The following SLC24A2 variants were observed in gnomAD, a reference collection of about 807,000 sequenced individuals.
The protein encoded by SLC24A2 is sodium/potassium/calcium exchanger 2.
Under a neutral mutation model 62.0 loss-of-function variants are expected in SLC24A2, and 36 were observed. The ratio of observed to expected loss-of-function variants is 0.58; its 90% confidence interval spans 0.44 to 0.77. The LOEUF is 0.77. SLC24A2 is among the 30% of genes least tolerant of loss of function. The pLI is 0.00. For synonymous variants in SLC24A2, 358 were observed against 294.0 expected (o/e 1.22, Z -2.23); for missense variants, 846 against 817.9 (o/e 1.03, Z -0.42).
chr9:20,188,800 G>A, the SLC24A2 span, among the ~76,000 whole-genome samples: 4 of 152,176 alleles, frequency 2.6e-5, no homozygotes, highest in Non-Finnish European at 4.4e-5. Context: ...CTAAAGGAAC[G>A]AGTCCTGCTG....
intron 7 of SLC24A2, among the ~76,000 whole-genome samples, 155 bp from the exon 8 acceptor site, chr9:19,550,423 C>G (rs1834787348): frequency 1.3e-5 from 2 of 152,240 alleles, no homozygotes. Flanking sequence ...AGATTTGTCA[C>G]AGTCTGAGTC....
At chr9:19,901,699 G>A in the SLC24A2 span, among the ~76,000 whole-genome samples, 2 of 152,172 alleles carry the variant, frequency 1.3e-5, no homozygotes, top group Non-Finnish European at 2.9e-5. Flanking sequence ...AGATGTCAAA[G>A]GCTGAAGCTG....
At chr9:20,166,599 AT>A in the SLC24A2 span, among the ~76,000 whole-genome samples, 2 of 152,024 alleles carry the variant, frequency 1.3e-5, no homozygotes, top group Admixed American at 1.3e-4. Context: ...AAATGCAGAT[AT>A]CTGCTTATTT....
At chr9:19,954,436 T>C in the SLC24A2 span, among the ~76,000 whole-genome samples, 1 of 152,048 alleles carries the variant, frequency 6.6e-6, no homozygotes, top group African/African-American at 2.4e-5. Flanking sequence ...TGAAAGGGAA[T>C]GGTACCAATA....
At chr9:19,548,982 C>T (rs904184582) in intron 8 of SLC24A2, among the ~76,000 whole-genome samples, 2 of 152,172 alleles carry the variant, frequency 1.3e-5, no homozygotes, top group African/African-American at 4.8e-5. Flanking sequence ...GCTGTTTCTC[C>T]TTCCCTCTCC....
chr9:19,520,867 C>A (rs758519968), intron 10 of SLC24A2, 27 bp downstream of exon 10: 11 of 1,611,346 alleles, frequency 6.8e-6, no homozygotes, highest in African/African-American at 1.3e-5. Flanking sequence ...AGCTGGTGCA[C>A]ACCTTTGTAG....
At chr9:19,831,809 G>A in the SLC24A2 span, among the ~76,000 whole-genome samples, 6 of 152,288 alleles carry the variant, frequency 3.9e-5, no homozygotes, top group East Asian at 9.6e-4. Context: ...AAACCATTTA[G>A]AGCCAAGATA....
At chr9:19,595,669 A>G (rs1836685446) in intron 5 of SLC24A2, among the ~76,000 whole-genome samples, 1 of 152,086 alleles carries the variant, frequency 6.6e-6, no homozygotes. Context: ...AAGAAAGGGA[A>G]CACTTGGACA....
At chr9:19,905,277 C>T in the SLC24A2 span, among the ~76,000 whole-genome samples, 1 of 152,192 alleles carries the variant, frequency 6.6e-6, no homozygotes, top group African/African-American at 2.4e-5. Context: ...TAACCTCCTT[C>T]AGCTCCCCGG....
the SLC24A2 span, chr9:19,895,835 C>G: frequency 6.2e-7 from 1 of 1,606,694 alleles, no homozygotes; most frequent in Non-Finnish European, 8.5e-7. Flanking sequence ...AAGGACCGCT[C>G]CTCAGGGGTC....
At position 19,513,173 on chromosome 9, in the gene SLC24A2, T is replaced by TATATATATAC. The variant is rs1426104637; in HGVS notation, c.*2979_*2980insGTATATATAT. The stretch of plus-strand genomic sequence containing the variant: ...ATAAAGATATATATATATATATATA[T>TATATATATAC]ATGTATATATATATATATGTATATA... On this transcript the variant is annotated 3_prime_UTR_variant, in exon 11 of 11. Transcript: ENST00000341998. The TATATATATAC allele has an allele frequency of 2.8e-4, 17 of 59,698 alleles. No homozygotes were observed. Among genetic ancestry groups the TATATATATAC allele is most frequent in the African/African-American group, 9.7e-4 (15 of 15,424 alleles). The allele number at this position is 59,698 out of a possible 1,614,324, so 3.7% of individuals were successfully genotyped here. A position where few individuals can be genotyped will look rare whatever the true frequency, so the allele number is the denominator to read the frequency against.
the SLC24A2 span, among the ~76,000 whole-genome samples, chr9:20,194,545 T>A: frequency 3.9e-4 from 59 of 152,294 alleles, no homozygotes; most frequent in East Asian, 0.011. Context: ...ACAGAGTTTA[T>A]TGAAGGTTTA....
intron 6 of SLC24A2, among the ~76,000 whole-genome samples, chr9:19,576,580 G>C (rs985929390): frequency 2.0e-5 from 3 of 152,204 alleles, no homozygotes; most frequent in African/African-American, 4.8e-5. Context: ...GTGTACGTGT[G>C]CGTGTATGCG....
chr9:20,108,366 A>G, the SLC24A2 span, among the ~76,000 whole-genome samples: 1 of 152,192 alleles, frequency 6.6e-6, no homozygotes, highest in African/African-American at 2.4e-5. Context: ...CCAAAGGACT[A>G]TAAATCATGC....
chr9:20,118,850 C>G, the SLC24A2 span, among the ~76,000 whole-genome samples: 1 of 152,038 alleles, frequency 6.6e-6, no homozygotes, highest in African/African-American at 2.4e-5. Flanking sequence ...TTCTCCCCTC[C>G]CTTGAGTGCA....
At chr9:19,525,584 T>C (rs1158700845) in intron 9 of SLC24A2, among the ~76,000 whole-genome samples, 1 of 151,154 alleles carries the variant, frequency 6.6e-6, no homozygotes, top group Non-Finnish European at 1.5e-5. Flanking sequence ...TTTGTATTTT[T>C]GTAAAGACAG....
At chr9:19,961,402 G>A in the SLC24A2 span, among the ~76,000 whole-genome samples, 1 of 152,058 alleles carries the variant, frequency 6.6e-6, no homozygotes, top group Non-Finnish European at 1.5e-5. Flanking sequence ...CCAATCTTTG[G>A]CATGGGGTTA....
intron 10 of SLC24A2, among the ~76,000 whole-genome samples, chr9:19,517,404 CTT>C (rs1019392849): frequency 6.6e-6 from 1 of 152,156 alleles, no homozygotes; most frequent in African/African-American, 2.4e-5. Context: ...AGGAGGTACT[CTT>C]TTGAAACATT....
At chr9:20,296,750 G>A in the SLC24A2 span, among the ~76,000 whole-genome samples, 3 of 152,090 alleles carry the variant, frequency 2.0e-5, no homozygotes, top group South Asian at 2.1e-4. Context: ...TATAAAGCTG[G>A]GTGTACAGAA....
Sources: gnomAD v4.1 joint callset for allele counts (sites outside exome capture counted in the v4.1 genomes callset) on GRCh38, gnomAD v4.1.1 for gene constraint, MANE v1.5 for transcripts, NCBI Gene and HGNC (gene_info 2026-07-23, HGNC 2026-07-21) for gene names.